BMP2K: variants seen among roughly 807,000 people sequenced by gnomAD.
BMP2K encodes the protein BMP-2-inducible protein kinase.
BMP2K carries 74 observed loss-of-function variants against 116.0 expected under a neutral mutation model. The observed-to-expected ratio is 0.64, with a 90% CI of 0.53 to 0.77. The LOEUF is 0.77. BMP2K is among the 30% of genes least tolerant of loss of function. The pLI is 0.00. For synonymous variants in BMP2K, 486 were observed against 502.5 expected, an observed-to-expected ratio of 0.97 and a Z score of 0.44; for missense variants, 1,365 against 1,403.6, an observed-to-expected ratio of 0.97 and a Z score of 0.44.
chr4:78,812,116 C>T (rs1179532761), intron 1 of BMP2K, among the ~76,000 whole-genome samples: 1 of 152,042 alleles, frequency 6.6e-6, no homozygotes, highest in African/African-American at 2.4e-5. Flanking sequence ...CACAGGTGTG[C>T]ACCACCACGC....
At position 78,865,935 on chromosome 4, in the gene BMP2K, A is replaced by T. The variant is rs74909873; in HGVS notation, c.1231+215A>T. 6.3e-3 allele frequency among the ~76,000 whole-genome samples: 953 copies of T among 152,306 alleles called. 2 individuals carry two copies. Among genetic ancestry groups the T allele is most frequent in the Non-Finnish European group, 9.9e-3 (674 of 68,018 alleles). ...GTTACTGGCAATATAAAAGTATGGT[A>T]CAAAAAACTCACAATTTGCTTTGAT... On this transcript the variant is annotated intron_variant, in intron 10 of 15. Transcript: ENST00000502613.
chr4:78,911,711 G>A lies in BMP2K; in HGVS notation c.3164G>A (p.Arg1055Lys). 6.2e-7 allele frequency: 1 copy of A among 1,613,964 alleles called. No individual in the cohort carries two copies. The highest frequency in any genetic ancestry group is 8.5e-7 in the Non-Finnish European group (1 of 1,179,884). The change falls in exon 16 of 16, where the codon AGG becomes AAG. Residue 1055 changes from arginine (R) to lysine (K), a missense_variant. Around this residue, in one of 3 missense-constraint regions of BMP2K, gnomAD observed 596 missense variants for 623.2 expected, o/e 0.96. Transcript: ENST00000502613. Reference sequence around the variant, plus strand: ...GTTGCACTGACTGATGGGAAAGATAGGGGGAATGTCTTACAACCTGAGGAG... The same window carrying A: ...GTTGCACTGACTGATGGGAAAGATAAGGGGAATGTCTTACAACCTGAGGAG... ...ISVALTDGKD[R>K]GNVLQPEESL... is the part of the protein sequence containing the mutation.
chr4:78,796,852 T>C (rs2109946387), intron 1 of BMP2K, among the ~76,000 whole-genome samples: 1 of 152,300 alleles, frequency 6.6e-6, no homozygotes, highest in Admixed American at 6.5e-5. Flanking sequence ...TTTTCAGTTC[T>C]GCTAAAAAAA....
chr4:78,907,842 G>T (rs750039381), intron 15 of BMP2K, among the ~76,000 whole-genome samples: 1 of 152,126 alleles, frequency 6.6e-6, no homozygotes. Context: ...GGAGGTGTCC[G>T]TGAGCAGGCG....
At chr4:78,904,815 A>G (rs994301879) in intron 15 of BMP2K, among the ~76,000 whole-genome samples, 7 of 151,952 alleles carry the variant, frequency 4.6e-5, no homozygotes, top group Non-Finnish European at 8.8e-5. Flanking sequence ...TTATGGCTCA[A>G]TAAGAGCATA....
chr4:78,844,723 A>C (rs1290221666), intron 4 of BMP2K, among the ~76,000 whole-genome samples: 2 of 151,474 alleles, frequency 1.3e-5, no homozygotes, highest in Non-Finnish European at 3.0e-5. Context: ...TGGGTATCTT[A>C]TGTCTATATA....
intron 1 of BMP2K, among the ~76,000 whole-genome samples, chr4:78,780,432 T>G (rs1016276647): frequency 1.3e-5 from 2 of 152,228 alleles, no homozygotes; most frequent in African/African-American, 4.8e-5. Context: ...CTCTTAGAGT[T>G]AAATGCTTAG....
chr4:78,803,821 T>C (rs1395276179), intron 1 of BMP2K, among the ~76,000 whole-genome samples: 1 of 152,232 alleles, frequency 6.6e-6, no homozygotes, highest in African/African-American at 2.4e-5. Context: ...TAATATATGA[T>C]GATCCTTCAT....
At chr4:78,904,898 C>T (rs1018687154) in intron 15 of BMP2K, among the ~76,000 whole-genome samples, 29 of 151,610 alleles carry the variant, frequency 1.9e-4, no homozygotes, top group African/African-American at 6.8e-4. Context: ...GTTATAATTC[C>T]ATCTACAATA....
At chr4:78,904,321 G>A (rs1451397682) in intron 15 of BMP2K, among the ~76,000 whole-genome samples, 1 of 151,806 alleles carries the variant, frequency 6.6e-6, no homozygotes, top group Non-Finnish European at 1.5e-5. Flanking sequence ...GGAGATAAGA[G>A]GTAATATATG....
intron 1 of BMP2K, among the ~76,000 whole-genome samples, chr4:78,806,845 T>C (rs1047148589): frequency 1.2e-4 from 18 of 151,710 alleles, no homozygotes; most frequent in Non-Finnish European, 1.3e-4. Context: ...CTTTTCTTTT[T>C]TTTTTTTTTT....
intron 7 of BMP2K, among the ~76,000 whole-genome samples, chr4:78,853,230 T>G (rs977223396): frequency 5.3e-5 from 8 of 152,170 alleles, no homozygotes; most frequent in African/African-American, 1.9e-4. Context: ...ATGACAAATC[T>G]TTGTTAAAAC....
chr4:78,868,719 G>A (rs1027592547), intron 10 of BMP2K, among the ~76,000 whole-genome samples: 4 of 152,092 alleles, frequency 2.6e-5, no homozygotes, highest in East Asian at 1.9e-4. Context: ...GGGTTACAGC[G>A]CCCATACAAG....
At chr4:78,834,507 C>A (rs1042378569) in intron 3 of BMP2K, among the ~76,000 whole-genome samples, 1 of 152,064 alleles carries the variant, frequency 6.6e-6, no homozygotes, top group Non-Finnish European at 1.5e-5. Flanking sequence ...GTGATCCGCC[C>A]GCCTCAGCCT....
intron 1 of BMP2K, among the ~76,000 whole-genome samples, chr4:78,805,013 C>T (rs1728749172): frequency 6.6e-6 from 1 of 151,922 alleles, no homozygotes; most frequent in Non-Finnish European, 1.5e-5. Flanking sequence ...AGATTTACAC[C>T]TATGTTTTCC....
At chr4:78,786,074 CA>C (rs1424786518) in intron 1 of BMP2K, among the ~76,000 whole-genome samples, 1 of 152,116 alleles carries the variant, frequency 6.6e-6, no homozygotes, top group Non-Finnish European at 1.5e-5. Context: ...GTATTTTCTG[CA>C]CTTCTCTCAA....
intron 1 of BMP2K, among the ~76,000 whole-genome samples, chr4:78,812,625 A>G (rs1729145007): frequency 6.6e-6 from 1 of 152,118 alleles, no homozygotes; most frequent in African/African-American, 2.4e-5. Context: ...GATTCTCTAA[A>G]CTCAGGGTTG....
intron 1 of BMP2K, among the ~76,000 whole-genome samples, chr4:78,809,688 T>G (rs1049616583): frequency 4.1e-5 from 6 of 146,674 alleles, no homozygotes; most frequent in Admixed American, 3.4e-4. Flanking sequence ...TTTAAAGTGT[T>G]TTTTTTTTTT....
At chr4:78,815,084 A>G (rs184305608) in intron 1 of BMP2K, among the ~76,000 whole-genome samples, 5 of 152,308 alleles carry the variant, frequency 3.3e-5, no homozygotes, top group Admixed American at 6.5e-5. Context: ...GTTTCCTGAA[A>G]ATAAAGGTCA....
Sources: gnomAD v4.1 joint callset for allele counts (sites outside exome capture counted in the v4.1 genomes callset) on GRCh38, gnomAD v4.1.1 for gene constraint, gnomAD v4.1.1 regional missense constraint, MANE v1.5 for transcripts, NCBI Gene and HGNC (gene_info 2026-07-23, HGNC 2026-07-21) for gene names.